Variants in RSU1 observed in about 807,000 individuals in gnomAD.
The protein encoded by RSU1 is rsu-1.
In RSU1, 26 loss-of-function variants were observed where a neutral mutation model predicts 31.1. That is an observed-to-expected ratio of 0.84 (90% confidence interval 0.61 to 1.16). The LOEUF (loss-of-function observed/expected upper bound fraction) is 1.16. RSU1 is among the 50% of genes most tolerant of loss of function. The probability of loss-of-function intolerance (pLI) is 0.00; values close to 1 mark genes in which losing one functional copy is unlikely to be tolerated. For synonymous variants in RSU1, 164 were observed against 136.3 expected (o/e 1.20, Z -1.41); for missense variants, 320 against 339.1 (o/e 0.94, Z 0.44).
chr10:16,811,177 C>A (rs1424728486), intron 2 of RSU1, among the ~76,000 whole-genome samples: 3 of 152,150 alleles, frequency 2.0e-5, no homozygotes, highest in Admixed American at 6.5e-5. Flanking sequence ...ACATGCTGTA[C>A]AGTTTTGTAG....
chr10:16,668,383 G>A (rs1317579576), intron 8 of RSU1, among the ~76,000 whole-genome samples: 3 of 152,162 alleles, frequency 2.0e-5, no homozygotes, highest in Admixed American at 1.3e-4. Context: ...TAGAAGACAC[G>A]TTTCAGGCAG....
At chr10:16,675,025 C>G (rs936151194) in intron 8 of RSU1, among the ~76,000 whole-genome samples, 1 of 150,970 alleles carries the variant, frequency 6.6e-6, no homozygotes, top group Non-Finnish European at 1.5e-5. Flanking sequence ...AGAGTGAGAC[C>G]CTGTATCAAA....
intron 7 of RSU1, among the ~76,000 whole-genome samples, chr10:16,710,129 A>G (rs1007323478): frequency 6.6e-6 from 1 of 152,148 alleles, no homozygotes; most frequent in Non-Finnish European, 1.5e-5. Context: ...CTCATTCAGT[A>G]TGATGTCAGC....
Position 16,800,901 on chromosome 10 carries a change from G to C in RSU1, c.109+16072C>G, listed in dbSNP as rs904848943. Among the ~76,000 whole-genome samples the C allele has an allele frequency of 7.5e-5, 11 of 147,166 alleles. No individual in the cohort carries two copies. The Admixed American group carries it at 7.5e-4, about 10-fold the overall frequency. ...GAAAACGGAATATGTTGTGAGAAGA[G>C]AAAATGAAATCATATTAAATGCTCA... On this transcript the variant is annotated intron_variant, in intron 2 of 8. Coordinates refer to ENST00000345264, the MANE Select transcript of RSU1 (RefSeq NM_012425.4).
chr10:16,660,711 A>G (rs180958880), intron 8 of RSU1, among the ~76,000 whole-genome samples: 2 of 131,668 alleles, frequency 1.5e-5, no homozygotes, highest in Non-Finnish European at 3.1e-5. Context: ...CAATGGCACC[A>G]TCTAGGCTCA....
intron 5 of RSU1, 77 bp downstream of exon 5, chr10:16,754,794 G>A (rs1837049424): frequency 1.2e-6 from 1 of 858,262 alleles, no homozygotes; most frequent in Admixed American, 2.3e-5. Context: ...TTGGAGTTTG[G>A]GTCCTGGCAA....
intron 8 of RSU1, among the ~76,000 whole-genome samples, chr10:16,675,705 AAGAT>A (rs1323494879): frequency 6.6e-6 from 1 of 152,232 alleles, no homozygotes; most frequent in African/African-American, 2.4e-5. Context: ...AAATGTAAAA[AAGAT>A]AGAAGTAAAT....
At chr10:16,703,726 C>A (rs547471031) in intron 7 of RSU1, among the ~76,000 whole-genome samples, 1 of 152,038 alleles carries the variant, frequency 6.6e-6, no homozygotes, top group Non-Finnish European at 1.5e-5. Context: ...CTTTTTAAAA[C>A]ACCATAAATA....
intron 8 of RSU1, among the ~76,000 whole-genome samples, chr10:16,630,199 G>A (rs142056571): frequency 7.9e-5 from 12 of 152,074 alleles, no homozygotes; most frequent in African/African-American, 2.7e-4. Context: ...GCAAGCCACC[G>A]CCCTGGCCTT....
chr10:16,765,621 T>C (rs1837298862), intron 3 of RSU1, among the ~76,000 whole-genome samples: 1 of 152,246 alleles, frequency 6.6e-6, no homozygotes, highest in African/African-American at 2.4e-5. Context: ...GTAATTCATC[T>C]ATCCCACTTG....
chr10:16,606,031 G>T (rs1042630227), intron 8 of RSU1, among the ~76,000 whole-genome samples: 32 of 152,236 alleles, frequency 2.1e-4, no homozygotes, highest in African/African-American at 7.2e-4. Flanking sequence ...GGGATTACAG[G>T]CACACCTTGC....
At chr10:16,672,558 A>C (rs140679655) in intron 8 of RSU1, among the ~76,000 whole-genome samples, 63 of 152,356 alleles carry the variant, frequency 4.1e-4, no homozygotes, top group African/African-American at 1.3e-3. Flanking sequence ...CTACTGATGC[A>C]TGGAACAAGA....
intron 8 of RSU1, among the ~76,000 whole-genome samples, chr10:16,593,949 A>T (rs1469828649): frequency 1.3e-5 from 2 of 152,206 alleles, no homozygotes; most frequent in Non-Finnish European, 2.9e-5. Context: ...CTCACCCATG[A>T]TGGATAGCGT....
intron 8 of RSU1, among the ~76,000 whole-genome samples, chr10:16,612,673 C>G (rs548770693): frequency 1.1e-4 from 16 of 152,302 alleles, no homozygotes; most frequent in Non-Finnish European, 1.9e-4. Context: ...TCCAGCTACA[C>G]TCTCTGTTAT....
chr10:16,622,327 G>C (rs1224082556), intron 8 of RSU1, among the ~76,000 whole-genome samples: 1 of 152,130 alleles, frequency 6.6e-6, no homozygotes, highest in Non-Finnish European at 1.5e-5. Context: ...CCATTTCCAA[G>C]GTTTCTTTTT....
chr10:16,630,755 A>G (rs750921364), intron 8 of RSU1, among the ~76,000 whole-genome samples: 13 of 152,164 alleles, frequency 8.5e-5, no homozygotes, highest in Non-Finnish European at 1.6e-4. Context: ...GGCTTCACAA[A>G]CCCAGGACAC....
intron 8 of RSU1, among the ~76,000 whole-genome samples, chr10:16,680,918 T>G (rs191986064): frequency 6.6e-6 from 1 of 152,290 alleles, no homozygotes; most frequent in East Asian, 1.9e-4. Context: ...AACTCTTAAT[T>G]TTGGATGACA....
intron 8 of RSU1, among the ~76,000 whole-genome samples, chr10:16,651,595 G>A (rs564191843): frequency 6.6e-5 from 10 of 152,280 alleles, no homozygotes; most frequent in South Asian, 2.1e-4. Flanking sequence ...AAGCAAAATC[G>A]AAGAGGTGTA....
At chr10:16,815,426 C>G (rs7899803) in intron 2 of RSU1, among the ~76,000 whole-genome samples, 164 of 152,346 alleles carry the variant, frequency 1.1e-3, no homozygotes, top group African/African-American at 3.7e-3. Context: ...CTCTGCAGTT[C>G]TCTCCATGCC....
Sources: gnomAD v4.1 joint callset for allele counts (sites outside exome capture counted in the v4.1 genomes callset) on GRCh38, gnomAD v4.1.1 for gene constraint, MANE v1.5 for transcripts, NCBI Gene and HGNC (gene_info 2026-07-23, HGNC 2026-07-21) for gene names.